SUZ12: variants seen among roughly 807,000 people sequenced by gnomAD.
SUZ12 encodes polycomb protein SUZ12.
Under a neutral mutation model 87.3 loss-of-function variants are expected in SUZ12, and 17 were observed. The observed-to-expected ratio is 0.19, with a 90% CI of 0.13 to 0.29. The LOEUF is 0.29. Among genes scored for constraint, SUZ12 ranks in the 10% least tolerant of loss-of-function variants. The pLI, the probability that SUZ12 is intolerant of heterozygous loss-of-function variation, is 1.00. For missense variants in SUZ12, 526 were observed against 912.2 expected (o/e 0.58, Z 5.45); for synonymous variants, 253 against 312.4 (o/e 0.81, Z 2.01).
Position 32,000,669 on chromosome 17 carries a change from T to C in SUZ12, c.*1666T>C, listed in dbSNP as rs1428545414. 4.3e-6 allele frequency: 1 copy of C among 231,452 alleles called. No homozygotes were observed. Among genetic ancestry groups the C allele is most frequent in the Non-Finnish European group, 8.5e-6 (1 of 117,094 alleles). 14.3% of individuals were successfully genotyped at this position (231,452 alleles called of 1,614,324 possible). ...AAAAAAGATTATTTTAGGGGAGATG[T>C]AGGTGTAGAATTATTGCTTATGTCA... On this transcript the variant is annotated 3_prime_UTR_variant, in exon 16 of 16. Coordinates refer to ENST00000322652, the MANE Select transcript of SUZ12 (RefSeq NM_015355.4).
intron 4 of SUZ12, among the ~76,000 whole-genome samples, chr17:31,958,058 A>G (rs1197349211): frequency 1.3e-5 from 2 of 150,808 alleles, no homozygotes; most frequent in Non-Finnish European, 3.0e-5. Context: ...GCCTGCCATC[A>G]CGCCCGGCTA....
intron 1 of SUZ12, among the ~76,000 whole-genome samples, chr17:31,938,711 C>CCCTT (rs2142114981): frequency 6.6e-6 from 1 of 152,126 alleles, no homozygotes; most frequent in East Asian, 1.9e-4. Flanking sequence ...TTGTTTGTAC[C>CCCTT]CCTTCTAAAG....
intron 6 of SUZ12, among the ~76,000 whole-genome samples, chr17:31,974,614 T>C (rs534469703): frequency 2.0e-3 from 301 of 152,310 alleles, no homozygotes; most frequent in Non-Finnish European, 3.1e-3. Context: ...GTCATTCTTA[T>C]GTTCAAAAAA....
At chr17:31,955,307 G>A (rs1408198453) in intron 4 of SUZ12, among the ~76,000 whole-genome samples, 1 of 151,920 alleles carries the variant, frequency 6.6e-6, no homozygotes, top group Non-Finnish European at 1.5e-5. Context: ...TAGGAGACAG[G>A]GTCTCACTTC....
chr17:31,982,900 A>T, intron 8 of SUZ12, 99 bp from the exon 9 acceptor site: 10 of 1,378,738 alleles, frequency 7.3e-6, no homozygotes, highest in Non-Finnish European at 8.8e-6. Context: ...CTAGTTTATA[A>T]ATTTAATAAA....
chr17:31,999,217 T>A lies in SUZ12; in HGVS notation c.*214T>A, dbSNP rs1324251566. 3 of 371,556 alleles carry A rather than the reference T, an allele frequency of 8.1e-6. No individual in the cohort carries two copies. The Admixed American group carries it at 1.3e-4, about 16-fold the overall frequency. 23.0% of individuals were successfully genotyped at this position (371,556 alleles called of 1,614,324 possible). On this transcript the variant is annotated 3_prime_UTR_variant, in exon 16 of 16. Transcript: ENST00000322652. Reference sequence around the variant, plus strand: ...ACTTTTATTGATGTCATTAAAACATTCTGTACTTTAAGCATGAAAAGCAAT... The same window carrying A: ...ACTTTTATTGATGTCATTAAAACATACTGTACTTTAAGCATGAAAAGCAAT...
intron 4 of SUZ12, among the ~76,000 whole-genome samples, chr17:31,957,757 G>C (rs1352481823): frequency 2.0e-5 from 3 of 151,084 alleles, no homozygotes; most frequent in Non-Finnish European, 4.4e-5. Context: ...TGTTGGCCAG[G>C]CTGGCCTCGA....
At chr17:31,981,973 GAA>G (rs1909136797) in intron 8 of SUZ12, among the ~76,000 whole-genome samples, 1 of 152,202 alleles carries the variant, frequency 6.6e-6, no homozygotes, top group Non-Finnish European at 1.5e-5. Context: ...TAAGAGTGAT[GAA>G]GAGAAGCCAG....
At chr17:31,979,395 C>T (rs528537) in intron 8 of SUZ12, among the ~76,000 whole-genome samples, 16,257 of 152,164 alleles carry the variant, frequency 0.11, 1,065 homozygotes, top group Middle Eastern at 0.15. Flanking sequence ...TACTATCTCC[C>T]CAGTTGACCT....
intron 8 of SUZ12, among the ~76,000 whole-genome samples, chr17:31,977,972 T>C (rs1191174007): frequency 1.3e-5 from 2 of 152,230 alleles, no homozygotes; most frequent in African/African-American, 2.4e-5. Context: ...CACAGACTTA[T>C]TAAATATTTC....
In SUZ12 at chr17:31,966,128, TC is replaced by T; in HGVS notation, c.456-17del. 3.2e-6 allele frequency: 5 copies of T among 1,554,774 alleles called. No individual in the cohort carries two copies. Among genetic ancestry groups the T allele is most frequent in the Non-Finnish European group, 8.7e-7 (1 of 1,146,230 alleles). Reference sequence around the variant, plus strand: ...CAGAGCATTACAATGATAAAATATTTCCTTTTTTTTTTTTTTAGCTTGTCAG... The same window carrying T: ...CAGAGCATTACAATGATAAAATATTTCTTTTTTTTTTTTTTAGCTTGTCAG... On this transcript the variant is annotated intron_variant, in intron 4 of 15. Transcript: ENST00000322652.
In SUZ12 at chr17:31,966,147, C is replaced by A. The variant is rs1908073085; in HGVS notation, c.456C>A (p.Ser152Arg). Residue 152 changes from serine (S) to arginine (R), a missense_variant and splice_region_variant, in exon 5 of 16, where the codon AGC becomes AGA. Physicochemically the swap from Ser to Arg is moderately radical, Grantham distance 110. Coordinates refer to ENST00000322652, the MANE Select transcript of SUZ12 (RefSeq NM_015355.4). The stretch of plus-strand genomic sequence containing the variant: ...AATATTTCCTTTTTTTTTTTTTTAG[C>A]TTGTCAGCTCATTTGCAGCTTACGT... ...EKMKGEQESH[S>R]LSAHLQLTFT... The A allele has an allele frequency of 2.0e-6, 3 of 1,506,128 alleles. No individual in the cohort carries two copies. The highest frequency in any genetic ancestry group is 2.2e-4 in the Middle Eastern group (1 of 4,606). 93.3% of individuals were successfully genotyped at this position (1,506,128 alleles called of 1,614,324 possible). A position where few individuals can be genotyped will look rare whatever the true frequency, so the allele number is the denominator to read the frequency against.
intron 4 of SUZ12, among the ~76,000 whole-genome samples, chr17:31,950,682 A>C (rs931637520): frequency 6.6e-6 from 1 of 152,152 alleles, no homozygotes; most frequent in African/African-American, 2.4e-5. Context: ...ACTCTGTCTC[A>C]AAAAAAGAAA....
intron 4 of SUZ12, among the ~76,000 whole-genome samples, chr17:31,959,893 T>G (rs1174711788): frequency 6.6e-6 from 1 of 152,214 alleles, no homozygotes; most frequent in Admixed American, 6.5e-5. Context: ...TTCAAATTCT[T>G]TACCTGATTT....
intron 15 of SUZ12, among the ~76,000 whole-genome samples, chr17:31,998,125 G>A (rs549104820): frequency 2.0e-5 from 3 of 150,048 alleles, no homozygotes; most frequent in Non-Finnish European, 4.4e-5. Flanking sequence ...TCTCGTCCAG[G>A]CTGGAGTGCA....
chr17:31,997,366 C>G (rs1036153543), intron 15 of SUZ12, among the ~76,000 whole-genome samples: 7 of 152,180 alleles, frequency 4.6e-5, no homozygotes, highest in Non-Finnish European at 8.8e-5. Flanking sequence ...CGTTCACACT[C>G]AAAACATTTT....
intron 14 of SUZ12, 60 bp downstream of exon 14, chr17:31,995,822 CT>C: frequency 7.7e-7 from 1 of 1,301,036 alleles, no homozygotes; most frequent in Non-Finnish European, 1.1e-6. Flanking sequence ...TTGAAAATTG[CT>C]TACTATGAAC....
At chr17:31,947,574 T>A (rs2627070) in intron 3 of SUZ12, 43 bp from the exon 4 acceptor site, 8 of 1,583,592 alleles carry the variant, frequency 5.1e-6, no homozygotes, top group African/African-American at 4.0e-5. Context: ...TGTTTCTTTT[T>A]CCCAGTTGAG....
intron 1 of SUZ12, among the ~76,000 whole-genome samples, chr17:31,939,218 T>C (rs1362393522): frequency 6.6e-6 from 1 of 152,100 alleles, no homozygotes; most frequent in Non-Finnish European, 1.5e-5. Context: ...AAATTATAAT[T>C]AGGAATATTT....
Sources: allele counts gnomAD v4.1 joint callset (sites outside exome capture counted in the v4.1 genomes callset), GRCh38; gene constraint gnomAD v4.1.1; transcripts MANE v1.5; gene names NCBI Gene and HGNC (gene_info 2026-07-23, HGNC 2026-07-21).